KAZN: variants seen among roughly 807,000 people sequenced by gnomAD.
KAZN encodes the protein kazrin, periplakin interacting protein, also known as kazrin.
A neutral mutation model predicts 87.4 loss-of-function variants in KAZN; 40 were observed. That is an observed-to-expected ratio of 0.46 (90% CI 0.36 to 0.60). The LOEUF is 0.60. Among genes scored for constraint, KAZN ranks in the 20% least tolerant of loss-of-function variants. The probability of loss-of-function intolerance (pLI) is 0.00; values close to 1 mark genes in which losing one functional copy is unlikely to be tolerated. For synonymous variants in KAZN, 466 were observed against 458.3 expected (o/e 1.02, Z -0.22); for missense variants, 898 against 1,073.9 (o/e 0.84, Z 2.29).
At chr1:13,976,999 C>T (rs1256863460) in intron 1 of KAZN, among the ~76,000 whole-genome samples, 1 of 152,178 alleles carries the variant, frequency 6.6e-6, no homozygotes, top group Non-Finnish European at 1.5e-5. Flanking sequence ...AGAGACAATT[C>T]ATCCAAGGTT....
chr1:14,377,667 G>T (rs1661025470), intron 2 of KAZN, among the ~76,000 whole-genome samples: 1 of 152,160 alleles, frequency 6.6e-6, no homozygotes, highest in South Asian at 2.1e-4. Context: ...TTTAATGTCT[G>T]TTTAGGGCAT....
chr1:14,290,297 G>A (rs1005507618), intron 2 of KAZN, among the ~76,000 whole-genome samples: 2 of 152,074 alleles, frequency 1.3e-5, no homozygotes, highest in African/African-American at 2.4e-5. Context: ...CATTCTCCCC[G>A]TCACTTTTAG....
intron 1 of KAZN, among the ~76,000 whole-genome samples, chr1:13,906,396 C>T (rs7536590): frequency 0.18 from 27,501 of 152,062 alleles, 2,716 homozygotes; most frequent in South Asian, 0.36. Context: ...GCTTCGTTTT[C>T]GGAGAGGCAG....
At chr1:14,135,030 C>T (rs546155468) in intron 1 of KAZN, among the ~76,000 whole-genome samples, 2 of 151,870 alleles carry the variant, frequency 1.3e-5, no homozygotes, top group Admixed American at 1.3e-4. Flanking sequence ...CATACACTCA[C>T]ACATTCACAC....
chr1:14,262,348 G>T (rs1651108096), intron 2 of KAZN, among the ~76,000 whole-genome samples: 1 of 152,180 alleles, frequency 6.6e-6, no homozygotes, highest in African/African-American at 2.4e-5. Context: ...GACTAAAATT[G>T]GTAAAAGCAC....
At chr1:14,742,165 T>A (rs941752583) in intron 1 of KAZN, among the ~76,000 whole-genome samples, 4 of 152,208 alleles carry the variant, frequency 2.6e-5, no homozygotes, top group Non-Finnish European at 4.4e-5. Context: ...CTCCAACTGC[T>A]ATAATGTCAG....
At chr1:14,442,859 C>T (rs1330599585) in intron 2 of KAZN, among the ~76,000 whole-genome samples, 1 of 152,216 alleles carries the variant, frequency 6.6e-6, no homozygotes, top group Non-Finnish European at 1.5e-5. Context: ...GCAGTTTAGC[C>T]CTACAGCACC....
At chr1:14,883,318 A>AGAGAGAGAGAGAGAGAGAG (rs1653557416) in intron 1 of KAZN, among the ~76,000 whole-genome samples, 10 of 38,592 alleles carry the variant, frequency 2.6e-4, no homozygotes, top group East Asian at 1.8e-3. Flanking sequence ...GAAAGAAAGA[A>AGAGAGAGAGAGAGAGAGAG]AGAGAGAGAG....
At chr1:14,672,694 CG>C (rs1341362525) in intron 1 of KAZN, among the ~76,000 whole-genome samples, 1 of 151,980 alleles carries the variant, frequency 6.6e-6, no homozygotes, top group African/African-American at 2.4e-5. Context: ...GAACCAGGTT[CG>C]GAGCAGCTAC....
chr1:14,718,288 G>C (rs1036903140), intron 1 of KAZN, among the ~76,000 whole-genome samples: 2 of 152,142 alleles, frequency 1.3e-5, no homozygotes, highest in Admixed American at 1.3e-4. Context: ...TTGTCCTCCC[G>C]CTTGATGTGA....
chr1:14,141,032 G>A (rs1251521050), intron 1 of KAZN, among the ~76,000 whole-genome samples: 4 of 152,046 alleles, frequency 2.6e-5, no homozygotes, highest in Non-Finnish European at 5.9e-5. Context: ...CTGTGGCCCT[G>A]GAGGAACCAT....
At chr1:13,971,747 T>C (rs1642144421) in intron 1 of KAZN, among the ~76,000 whole-genome samples, 1 of 152,186 alleles carries the variant, frequency 6.6e-6, no homozygotes, top group South Asian at 2.1e-4. Context: ...GATTGAATCA[T>C]GGGTGTGCAT....
intron 2 of KAZN, among the ~76,000 whole-genome samples, chr1:14,589,639 C>T (rs1218905879): frequency 6.6e-6 from 1 of 152,260 alleles, no homozygotes; most frequent in East Asian, 1.9e-4. Flanking sequence ...TTCCTACTAC[C>T]ACTGCTTCCA....
chr1:14,733,101 A>C (rs1643752457), intron 1 of KAZN, among the ~76,000 whole-genome samples: 1 of 152,094 alleles, frequency 6.6e-6, no homozygotes, highest in Non-Finnish European at 1.5e-5. Context: ...AAGTGCGCTG[A>C]GTGTTTCTCG....
intron 1 of KAZN, among the ~76,000 whole-genome samples, chr1:14,677,495 G>A (rs549796483): frequency 2.6e-5 from 4 of 152,184 alleles, no homozygotes; most frequent in African/African-American, 9.6e-5. Context: ...GGCCTGTGGG[G>A]TAAGAGTGGA....
At chr1:14,997,767 G>A (rs1265984214) in intron 2 of KAZN, among the ~76,000 whole-genome samples, 1 of 152,156 alleles carries the variant, frequency 6.6e-6, no homozygotes, top group Non-Finnish European at 1.5e-5. Context: ...GGCTGATCAG[G>A]ACCTGGGCAC....
chr1:14,346,527 G>C (rs1215901321), intron 2 of KAZN, among the ~76,000 whole-genome samples: 1 of 152,112 alleles, frequency 6.6e-6, no homozygotes, highest in Admixed American at 6.5e-5. Context: ...GTGGTTTGCA[G>C]TCGATACTCA....
intron 2 of KAZN, among the ~76,000 whole-genome samples, chr1:14,363,421 G>A (rs564448253): frequency 6.6e-6 from 1 of 152,112 alleles, no homozygotes; most frequent in East Asian, 1.9e-4. Flanking sequence ...CTCTAATCAA[G>A]GAAACACAAC....
chr1:14,440,573 G>T (rs1361911956), intron 2 of KAZN, among the ~76,000 whole-genome samples: 2 of 152,194 alleles, frequency 1.3e-5, no homozygotes, highest in African/African-American at 2.4e-5. Flanking sequence ...TGCTCAAAAA[G>T]ATGTTTGAGG....
Sources: gnomAD v4.1 joint callset for allele counts (sites outside exome capture counted in the v4.1 genomes callset) on GRCh38, gnomAD v4.1.1 for gene constraint, MANE v1.5 for transcripts, NCBI Gene and HGNC (gene_info 2026-07-23, HGNC 2026-07-21) for gene names.